MTA3: variants seen among roughly 807,000 people sequenced by gnomAD.
The protein encoded by MTA3 is metastasis associated 1 family member 3.
MTA3 carries 34 observed loss-of-function variants against 83.5 expected under a neutral mutation model. The observed-to-expected ratio is 0.41, with a 90% CI of 0.31 to 0.54. The LOEUF (loss-of-function observed/expected upper bound fraction) is 0.54. Ranked by LOEUF, MTA3 falls within the 20% of genes least tolerant of loss-of-function variation. The probability of loss-of-function intolerance (pLI) is 0.33; values close to 1 mark genes in which losing one functional copy is unlikely to be tolerated. For synonymous variants in MTA3, 303 were observed against 252.7 expected (o/e 1.20, Z -1.89); for missense variants, 761 against 726.4 (o/e 1.05, Z -0.55).
At chr2:42,709,431 G>A (rs1666411469) in intron 14 of MTA3, 1 of 465,590 alleles carries the variant, frequency 2.1e-6, no homozygotes, top group South Asian at 2.8e-5. Context: ...TTTAGGTAGT[G>A]CCACAATGTA....
intron 6 of MTA3, among the ~76,000 whole-genome samples, chr2:42,652,330 GT>G (rs1375402350): frequency 3.3e-5 from 5 of 152,000 alleles, no homozygotes; most frequent in Non-Finnish European, 5.9e-5. Flanking sequence ...TGCATTTGCG[GT>G]TTACTTCACT....
chr2:42,537,080 G>A (rs1405996827), intron 2 of MTA3, among the ~76,000 whole-genome samples: 3 of 152,090 alleles, frequency 2.0e-5, no homozygotes, highest in Non-Finnish European at 4.4e-5. Flanking sequence ...CTTAGTGTAA[G>A]CCCCAGGTTA....
chr2:42,697,930 T>C, intron 11 of MTA3, 96 bp downstream of exon 11: 1 of 802,476 alleles, frequency 1.2e-6, no homozygotes, highest in East Asian at 2.9e-5. Context: ...ATTTGAACTT[T>C]TGTGTATCTT....
chr2:42,644,059 T>C (rs900769254), intron 5 of MTA3, 68 bp from the exon 6 acceptor site: 6 of 945,622 alleles, frequency 6.3e-6, no homozygotes, highest in Admixed American at 5.7e-5. Context: ...TGTAGCAACA[T>C]TGATTTTAAT....
At chr2:42,733,176 C>T (rs895390537) in intron 16 of MTA3, among the ~76,000 whole-genome samples, 1 of 152,082 alleles carries the variant, frequency 6.6e-6, no homozygotes, top group African/African-American at 2.4e-5. Flanking sequence ...AAGACATACC[C>T]GAGAATGGGA....
At chr2:42,566,714 C>T (rs901268704), upstream of MTA3, among the ~76,000 whole-genome samples, 1 of 152,234 alleles carries the variant, frequency 6.6e-6, no homozygotes, top group East Asian at 1.9e-4. Context: ...AATGAATTAA[C>T]AAAAACAGGG....
Position 42,753,239 on chromosome 2 carries a change from A to AT in MTA3, c.1760-131dup, listed in dbSNP as rs1186271598. 110 of 1,479,884 alleles carry AT rather than the reference A, an allele frequency of 7.4e-5. 1 individual carries two copies. The highest frequency in any genetic ancestry group is 9.5e-5 in the Non-Finnish European group (104 of 1,099,974). The allele number at this position is 1,479,884 out of a possible 1,614,324, so 91.7% of individuals were successfully genotyped here. A position where few individuals can be genotyped will look rare whatever the true frequency, so the allele number is the denominator to read the frequency against. Reference sequence around the variant, plus strand: ...CCACCACACCTGGCCTAGTCATGAGATTTTCTTTGACCTACTGCTGAGCCT... The same window carrying AT: ...CCACCACACCTGGCCTAGTCATGAGATTTTTCTTTGACCTACTGCTGAGCCT... On this transcript the variant is annotated intron_variant, in intron 16 of 16. Coordinates refer to ENST00000405094, the MANE Select transcript of MTA3 (RefSeq NM_001330442.2).
At chr2:42,675,403 G>A (rs1206322797) in intron 8 of MTA3, among the ~76,000 whole-genome samples, 1 of 151,988 alleles carries the variant, frequency 6.6e-6, no homozygotes, top group Non-Finnish European at 1.5e-5. Flanking sequence ...TAAAGTGCAG[G>A]GATTAACAGG....
chr2:42,658,638 G>A (rs1689393180), intron 7 of MTA3, among the ~76,000 whole-genome samples: 1 of 152,172 alleles, frequency 6.6e-6, no homozygotes, highest in African/African-American at 2.4e-5. Flanking sequence ...GTGGAAAGGA[G>A]CTTGAGGAGC....
rs150289765 is a variant in MTA3, at chr2:42,581,759, A to G, written c.190+2559A>G. ...GAACATAAATCAGATTTTAAAAAGT[A>G]TTTTATTTTATTTTTATTTATTTAG... On this transcript the variant is annotated intron_variant, in intron 3 of 16. Transcript: ENST00000405094. The G allele has an allele frequency of 2.5e-3, 723 of 287,348 alleles. 7 individuals carry two copies. The highest frequency in any genetic ancestry group is 0.016 in the African/African-American group (696 of 42,784). The allele number at this position is 287,348 out of a possible 1,614,324, so 17.8% of individuals were successfully genotyped here.
In MTA3 at chr2:42,577,105, AAT is replaced by A. The variant is rs1162559713; in HGVS notation, c.97-1974_97-1973del. On this transcript the variant is annotated intron_variant, in intron 2 of 16. Transcript: ENST00000405094. Reference sequence around the variant, plus strand: ...GGTACTCCATCTAAAAAAAAAAAAAAATATATATATATATATATATATATATA... The same window carrying A: ...GGTACTCCATCTAAAAAAAAAAAAAAATATATATATATATATATATATATA... 1.9e-3 allele frequency among the ~76,000 whole-genome samples: 164 copies of A among 86,902 alleles called. 2 individuals are homozygous for A. Among genetic ancestry groups the A allele is most frequent in the East Asian group, 4.3e-3 (16 of 3,702 alleles). The allele number at this position is 86,902 out of a possible 152,430, so 57.0% of individuals were successfully genotyped here. A position where few individuals can be genotyped will look rare whatever the true frequency, so the allele number is the denominator to read the frequency against.
intron 4 of MTA3, among the ~76,000 whole-genome samples, chr2:42,623,427 A>G (rs1685765485): frequency 6.6e-6 from 1 of 152,168 alleles, no homozygotes; most frequent in Admixed American, 6.5e-5. Context: ...AGTTCCCTGA[A>G]TAAAGCTTAT....
At chr2:42,557,270 C>A (rs1677441157) in intron 2 of MTA3, among the ~76,000 whole-genome samples, 1 of 142,422 alleles carries the variant, frequency 7.0e-6, no homozygotes, top group African/African-American at 2.6e-5. Flanking sequence ...CAGAGAGAGA[C>A]TTTGTCTCAA....
At chr2:42,668,841 A>G (rs973099589) in intron 8 of MTA3, among the ~76,000 whole-genome samples, 34 of 152,308 alleles carry the variant, frequency 2.2e-4, no homozygotes, top group African/African-American at 7.9e-4. Context: ...TCCTCTTAAA[A>G]CAAGCTATAA....
intron 5 of MTA3, 150 bp from the exon 6 acceptor site, chr2:42,643,977 C>T (rs1350534753): frequency 2.1e-6 from 1 of 484,736 alleles, no homozygotes; most frequent in Non-Finnish European, 3.6e-6. Flanking sequence ...TAACACCATG[C>T]TCTCCTTAAA....
At chr2:42,718,546 C>T (rs1042080550) in intron 14 of MTA3, among the ~76,000 whole-genome samples, 13 of 151,506 alleles carry the variant, frequency 8.6e-5, no homozygotes, top group Admixed American at 2.0e-4. Flanking sequence ...GGGCAGAACA[C>T]AAGATTAGGA....
At chr2:42,495,209 C>G (rs1407379427) in exon 2 of MTA3, 3 of 152,364 alleles carry the variant, frequency 2.0e-5, no homozygotes, top group Non-Finnish European at 4.4e-5. Flanking sequence ...TCCTTTTGCG[C>G]TGGTTCTTAA....
At chr2:42,572,914 G>C (rs375497786) in intron 2 of MTA3, among the ~76,000 whole-genome samples, 10 of 152,012 alleles carry the variant, frequency 6.6e-5, no homozygotes, top group Admixed American at 2.6e-4. Flanking sequence ...GTTTATTAGA[G>C]ACAGAGTTTC....
rs186939773 is a variant in MTA3, at chr2:42,745,869, A to C, written c.1760-7505A>C. On this transcript the variant is annotated intron_variant, in intron 16 of 16. Transcript: ENST00000405094. ...TCGCTCTGTCACCAGATGGGAATGC[A>C]GTGGCTCAATCTTAGCTCGCTGCAA... Among the ~76,000 whole-genome samples, 575 of 130,910 alleles carry C rather than the reference A, an allele frequency of 4.4e-3. 3 individuals carry two copies. Among genetic ancestry groups the C allele is most frequent in the African/African-American group, 0.016 (555 of 34,274 alleles). The allele number at this position is 130,910 out of a possible 152,430, so 85.9% of individuals were successfully genotyped here. A position where few individuals can be genotyped will look rare whatever the true frequency, so the allele number is the denominator to read the frequency against.
Sources: gnomAD v4.1 joint callset for allele counts (sites outside exome capture counted in the v4.1 genomes callset) on GRCh38, gnomAD v4.1.1 for gene constraint, MANE v1.5 for transcripts, NCBI Gene and HGNC (gene_info 2026-07-23, HGNC 2026-07-21) for gene names.